Variants in PDE7A observed in about 807,000 individuals in gnomAD.
PDE7A encodes phosphodiesterase 7A, also known as high affinity 3',5'-cyclic-AMP phosphodiesterase 7A.
A neutral mutation model predicts 64.3 loss-of-function variants in PDE7A; 39 were observed. That is an observed-to-expected ratio of 0.61 (90% CI 0.47 to 0.79). The LOEUF is 0.79. Ranked by LOEUF, PDE7A falls within the 30% of genes least tolerant of loss-of-function variation. The pLI, the probability that PDE7A is intolerant of heterozygous loss-of-function variation, is 0.00. For missense variants in PDE7A, 470 were observed against 582.8 expected (o/e 0.81, Z 1.99); for synonymous variants, 203 against 206.8 (o/e 0.98, Z 0.16).
chr8:65,783,918 C>T (rs1032699232), intron 1 of PDE7A, among the ~76,000 whole-genome samples: 1 of 152,044 alleles, frequency 6.6e-6, no homozygotes, highest in Non-Finnish European at 1.5e-5. Flanking sequence ...AAAATCTAAG[C>T]TCTGTGGAGG....
At chr8:65,727,132 G>T in intron 8 of PDE7A, 38 bp downstream of exon 8, 1 of 1,259,980 alleles carries the variant, frequency 7.9e-7, no homozygotes, top group Non-Finnish European at 1.1e-6. Flanking sequence ...TTTCTAGAAT[G>T]CAAAAATAAT....
At chr8:65,812,215 A>G (rs1311888849) in intron 1 of PDE7A, among the ~76,000 whole-genome samples, 2 of 151,916 alleles carry the variant, frequency 1.3e-5, no homozygotes, top group Non-Finnish European at 2.9e-5. Flanking sequence ...AAAAACAGAA[A>G]AAAAAAAAAA....
At chr8:65,798,206 A>ATATATATATATATATTTTTTTTTT in intron 1 of PDE7A, among the ~76,000 whole-genome samples, 1 of 73,834 alleles carries the variant, frequency 1.4e-5, no homozygotes, top group Non-Finnish European at 2.5e-5. Flanking sequence ...ATATATATAT[A>ATATATATATATATATTTTTTTTTT]TTTTTTTTTT....
intron 5 of PDE7A, among the ~76,000 whole-genome samples, chr8:65,741,514 G>A (rs1807435146): frequency 6.6e-6 from 1 of 152,218 alleles, no homozygotes; most frequent in African/African-American, 2.4e-5. Context: ...CAGAAAAGAT[G>A]TGGCAGGCCA....
intron 1 of PDE7A, among the ~76,000 whole-genome samples, chr8:65,821,315 G>A (rs1810536004): frequency 6.6e-6 from 1 of 152,052 alleles, no homozygotes; most frequent in Admixed American, 6.5e-5. Context: ...AAAGAAGGAT[G>A]AGCACTGTTC....
At position 65,724,923 on chromosome 8, in the gene PDE7A, T is replaced by C; in HGVS notation, c.921-2A>G. On this transcript the variant is annotated splice_acceptor_variant, in intron 9 of 12. Coordinates refer to ENST00000401827, the MANE Select transcript of PDE7A (RefSeq NM_001242318.3). LOFTEE classifies it high-confidence loss of function. ...CCTATCTGTGTCTCCATTTGTTGCCTGGAAATAGAGAAATATAAAGAGAAA... is the reference window on the plus strand; with the variant it reads ...CCTATCTGTGTCTCCATTTGTTGCCCGGAAATAGAGAAATATAAAGAGAAA... 1.3e-6 allele frequency: 2 copies of C among 1,579,196 alleles called. No individual in the cohort carries two copies. The highest frequency in any genetic ancestry group is 2.3e-5 in the East Asian group (1 of 44,268).
intron 1 of PDE7A, chr8:65,838,752 C>G (rs1811008893): frequency 6.6e-6 from 1 of 152,214 alleles, no homozygotes; most frequent in African/African-American, 2.4e-5. Context: ...TTCTTCTGAT[C>G]CCTGGCTTTT....
At chr8:65,838,025 T>G (rs1465836419) in intron 1 of PDE7A, among the ~76,000 whole-genome samples, 1 of 149,804 alleles carries the variant, frequency 6.7e-6, no homozygotes, top group Non-Finnish European at 1.5e-5. Context: ...TTGTGAAATA[T>G]TTCTTAAAAA....
chr8:65,839,512 T>G (rs960250441), intron 1 of PDE7A, among the ~76,000 whole-genome samples: 14 of 152,098 alleles, frequency 9.2e-5, no homozygotes, highest in African/African-American at 2.9e-4. Flanking sequence ...TGTCCATCTC[T>G]GCATCCACTA....
At chr8:65,749,367 A>G (rs1807829036) in intron 3 of PDE7A, among the ~76,000 whole-genome samples, 1 of 152,242 alleles carries the variant, frequency 6.6e-6, no homozygotes, top group Admixed American at 6.5e-5. Context: ...ACAAATAAAC[A>G]GAAGTAAAAT....
chr8:65,782,270 A>G (rs1809440392), intron 2 of PDE7A, among the ~76,000 whole-genome samples: 1 of 152,224 alleles, frequency 6.6e-6, no homozygotes, highest in African/African-American at 2.4e-5. Context: ...AGAGAAAAAG[A>G]AAATTAGACA....
At chr8:65,837,461 A>G (rs1465071243) in intron 1 of PDE7A, among the ~76,000 whole-genome samples, 1 of 152,212 alleles carries the variant, frequency 6.6e-6, no homozygotes, top group Non-Finnish European at 1.5e-5. Flanking sequence ...TACCTTGGAG[A>G]TGGGACCCAA....
intron 5 of PDE7A, 49 bp downstream of exon 5, chr8:65,745,357 TG>T: frequency 2.9e-6 from 3 of 1,023,906 alleles, no homozygotes; most frequent in Non-Finnish European, 4.7e-6. Flanking sequence ...GCACCATCAA[TG>T]CAGTAATCTA....
At chr8:65,775,076 T>C (rs1162701710) in intron 3 of PDE7A, among the ~76,000 whole-genome samples, 1 of 152,210 alleles carries the variant, frequency 6.6e-6, no homozygotes, top group Non-Finnish European at 1.5e-5. Flanking sequence ...TGTTCAAATA[T>C]ATTTTTGGGG....
chr8:65,778,569 G>A (rs1445994396), intron 3 of PDE7A, among the ~76,000 whole-genome samples: 1 of 152,184 alleles, frequency 6.6e-6, no homozygotes, highest in Non-Finnish European at 1.5e-5. Flanking sequence ...GGAATCATGA[G>A]CATTAAAAAT....
At chr8:65,827,319 C>T (rs1443184901) in intron 1 of PDE7A, among the ~76,000 whole-genome samples, 1 of 152,182 alleles carries the variant, frequency 6.6e-6, no homozygotes. Context: ...GAGAAGTTTA[C>T]AGGCTCTTCT....
chr8:65,719,707 G>A (rs2129063255), intron 12 of PDE7A: 1 of 556,894 alleles, frequency 1.8e-6, no homozygotes, highest in Non-Finnish European at 3.2e-6. Context: ...ATGGAAATTT[G>A]AGTAAAAGTG....
At chr8:65,783,110 TTGAG>T (rs1281036353) in intron 1 of PDE7A, among the ~76,000 whole-genome samples, 3 of 152,156 alleles carry the variant, frequency 2.0e-5, no homozygotes, top group African/African-American at 2.4e-5. Flanking sequence ...TTTAATCTGT[TTGAG>T]TAAGTCAGTA....
In PDE7A at chr8:65,828,837, C is replaced by G. The variant is rs1391390510; in HGVS notation, c.138+12534G>C. 4.6e-5 allele frequency among the ~76,000 whole-genome samples: 7 copies of G among 152,136 alleles called. No individual in the cohort carries two copies. The East Asian group carries it at 9.6e-4, about 21-fold the overall frequency. On this transcript the variant is annotated intron_variant, in intron 1 of 12. Coordinates refer to ENST00000401827, the MANE Select transcript of PDE7A (RefSeq NM_001242318.3). Reference sequence around the variant, plus strand: ...CCTTTTATTTGCATTTCCTTTATTACTAGATAAGCTATACATGTTTTGCTA... The same window carrying G: ...CCTTTTATTTGCATTTCCTTTATTAGTAGATAAGCTATACATGTTTTGCTA...
Sources: allele counts gnomAD v4.1 joint callset (sites outside exome capture counted in the v4.1 genomes callset), GRCh38; gene constraint gnomAD v4.1.1; transcripts MANE v1.5; gene names NCBI Gene and HGNC (gene_info 2026-07-23, HGNC 2026-07-21).